PPFIA2: variants seen among roughly 807,000 people sequenced by gnomAD.
The protein encoded by PPFIA2 is liprin-alpha-2.
PPFIA2 carries 46 observed loss-of-function variants against 175.5 expected under a neutral mutation model. That is an observed-to-expected ratio of 0.26 (90% CI 0.21 to 0.34). The LOEUF (loss-of-function observed/expected upper bound fraction) is 0.34, where lower values mean the gene tolerates loss of function less well. Ranked by LOEUF, PPFIA2 falls within the 10% of genes least tolerant of loss-of-function variation. The pLI is 1.00. For missense variants in PPFIA2, 1,179 were observed against 1,506.1 expected, an observed-to-expected ratio of 0.78 and a Z score of 3.60; for synonymous variants, 568 against 511.4, an observed-to-expected ratio of 1.11 and a Z score of -1.49.
chr12:81,744,486 G>C (rs1248931078), intron 3 of PPFIA2, among the ~76,000 whole-genome samples: 1 of 147,056 alleles, frequency 6.8e-6, no homozygotes, highest in South Asian at 2.1e-4. Context: ...GCAATGGCAC[G>C]ATCTCAGCTC....
intron 4 of PPFIA2, among the ~76,000 whole-genome samples, chr12:81,495,168 C>T (rs1391583751): frequency 6.6e-6 from 1 of 151,928 alleles, no homozygotes; most frequent in African/African-American, 2.4e-5. Context: ...TCAATCATCC[C>T]CTAACAGAAA....
intron 4 of PPFIA2, among the ~76,000 whole-genome samples, chr12:81,612,039 A>G (rs2060976114): frequency 6.6e-6 from 1 of 151,928 alleles, no homozygotes; most frequent in Non-Finnish European, 1.5e-5. Context: ...TCAGTTTCAG[A>G]GTCACATCTC....
chr12:81,507,848 C>A (rs143168914), intron 4 of PPFIA2, among the ~76,000 whole-genome samples: 319 of 152,296 alleles, frequency 2.1e-3, no homozygotes, highest in Middle Eastern at 3.4e-3. Flanking sequence ...CGGGAGAGAC[C>A]TGTCCAATGT....
chr12:81,298,483 AAAC>A (rs1216275618), intron 23 of PPFIA2: 1 of 152,244 alleles, frequency 6.6e-6, no homozygotes, highest in African/African-American at 2.4e-5. Flanking sequence ...AGACCATTTA[AAAC>A]AACATGTATA....
intron 4 of PPFIA2, among the ~76,000 whole-genome samples, chr12:81,668,336 T>G (rs1029142137): frequency 4.6e-5 from 7 of 152,026 alleles, no homozygotes; most frequent in Admixed American, 3.9e-4. Context: ...CTTACTGCTA[T>G]TCTTTCTCAC....
At chr12:81,586,343 G>A (rs2075307829) in intron 4 of PPFIA2, among the ~76,000 whole-genome samples, 1 of 151,802 alleles carries the variant, frequency 6.6e-6, no homozygotes. Context: ...ATCAGTTTGT[G>A]ATATTCTTTT....
intron 3 of PPFIA2, among the ~76,000 whole-genome samples, chr12:81,720,329 A>G (rs993917368): frequency 6.6e-6 from 1 of 151,524 alleles, no homozygotes; most frequent in Non-Finnish European, 1.5e-5. Context: ...TAAATTACTG[A>G]CACTAAATAC....
intron 3 of PPFIA2, among the ~76,000 whole-genome samples, chr12:81,737,965 A>AT (rs2081838431): frequency 1.3e-5 from 2 of 152,064 alleles, no homozygotes; most frequent in East Asian, 1.9e-4. Flanking sequence ...AAAAGTAAAT[A>AT]TTTTTCCAAA....
At chr12:81,430,626 CAT>C (rs2047939484) in intron 7 of PPFIA2, 1 of 151,576 alleles carries the variant, frequency 6.6e-6, no homozygotes, top group African/African-American at 2.4e-5. Context: ...GCTTGAGTCT[CAT>C]ATCTCTCCTT....
chr12:81,575,539 C>T (rs1392377828), intron 4 of PPFIA2, among the ~76,000 whole-genome samples: 3 of 151,762 alleles, frequency 2.0e-5, no homozygotes, highest in Non-Finnish European at 4.4e-5. Context: ...CTATGATAGA[C>T]ATCGGTGATA....
intron 3 of PPFIA2, among the ~76,000 whole-genome samples, chr12:81,717,848 A>G (rs556529622): frequency 6.6e-6 from 1 of 151,766 alleles, no homozygotes; most frequent in Admixed American, 6.6e-5. Context: ...AATGGGGAAG[A>G]AGGACAAGGC....
intron 5 of PPFIA2, among the ~76,000 whole-genome samples, chr12:81,456,592 T>A (rs991043960): frequency 6.6e-6 from 1 of 152,332 alleles, no homozygotes; most frequent in East Asian, 1.9e-4. Flanking sequence ...TGATCTATTA[T>A]AGCTATAACA....
chr12:81,722,725 T>C (rs1294927476), intron 3 of PPFIA2, among the ~76,000 whole-genome samples: 1 of 150,944 alleles, frequency 6.6e-6, no homozygotes, highest in Admixed American at 6.6e-5. Flanking sequence ...ACGAAGGAAG[T>C]TTTATATTAT....
At chr12:81,299,242 A>G in intron 23 of PPFIA2, 59 bp downstream of exon 23, 1 of 1,489,632 alleles carries the variant, frequency 6.7e-7, no homozygotes, top group African/African-American at 1.4e-5. Context: ...TACCTGTCTC[A>G]AAAAAATTAT....
chr12:81,671,683 C>A (rs1567806860), intron 4 of PPFIA2, among the ~76,000 whole-genome samples: 2 of 151,940 alleles, frequency 1.3e-5, no homozygotes, highest in South Asian at 2.1e-4. Flanking sequence ...CTTGCCCAGG[C>A]TTAACTTTCT....
At chr12:81,752,091 A>G (rs1056660397) in intron 3 of PPFIA2, among the ~76,000 whole-genome samples, 1 of 152,196 alleles carries the variant, frequency 6.6e-6, no homozygotes, top group Non-Finnish European at 1.5e-5. Flanking sequence ...AGAAGAGTGG[A>G]AGGGAAATGG....
chr12:81,495,249 T>C (rs1353627066), intron 4 of PPFIA2, among the ~76,000 whole-genome samples: 3 of 152,166 alleles, frequency 2.0e-5, no homozygotes, highest in Non-Finnish European at 4.4e-5. Context: ...TTTACCTGAA[T>C]GCCAAGTATG....
At chr12:81,611,067 C>A (rs2060852148) in intron 4 of PPFIA2, among the ~76,000 whole-genome samples, 1 of 152,116 alleles carries the variant, frequency 6.6e-6, no homozygotes, top group South Asian at 2.1e-4. Context: ...TAGGCTGATA[C>A]CTAGTCCCTG....
chr12:81,753,708 T>C (rs4409919), intron 3 of PPFIA2, among the ~76,000 whole-genome samples: 122,975 of 152,068 alleles, frequency 0.81, 51,379 homozygotes, highest in Middle Eastern at 0.95. Context: ...GTTTTCTACC[T>C]CCCTAAAACA....
Sources: allele counts gnomAD v4.1 joint callset (sites outside exome capture counted in the v4.1 genomes callset), GRCh38; gene constraint gnomAD v4.1.1; transcripts MANE v1.5; gene names NCBI Gene and HGNC (gene_info 2026-07-23, HGNC 2026-07-21).